NBAS: variants seen among roughly 807,000 people sequenced by gnomAD.
The protein encoded by NBAS is NAG/BC035112 fusion.
NBAS carries 219 observed loss-of-function variants against 302.5 expected under a neutral mutation model. That is an observed-to-expected ratio of 0.72 (90% CI 0.65 to 0.81). The LOEUF (loss-of-function observed/expected upper bound fraction) is 0.81. NBAS is among the 30% of genes least tolerant of loss of function. The pLI is 0.00. For missense variants in NBAS, 2,932 were observed against 2,841.6 expected, an observed-to-expected ratio of 1.03 and a Z score of -0.72; for synonymous variants, 1,118 against 1,021.6, an observed-to-expected ratio of 1.09 and a Z score of -1.80.
intron 19 of NBAS, among the ~76,000 whole-genome samples, chr2:15,463,203 AG>A (rs1679579601): frequency 1.3e-5 from 2 of 152,148 alleles, no homozygotes; most frequent in South Asian, 4.1e-4. Flanking sequence ...GAGTCCAGAA[AG>A]TCAAGAGTGC....
At chr2:14,996,085 C>CAATT in the NBAS span, among the ~76,000 whole-genome samples, 1 of 152,092 alleles carries the variant, frequency 6.6e-6, no homozygotes, top group Non-Finnish European at 1.5e-5. Context: ...AAACAGGTAA[C>CAATT]AATTATAAGC....
At chr2:14,858,059 CAGGT>C in the NBAS span, among the ~76,000 whole-genome samples, 4 of 151,904 alleles carry the variant, frequency 2.6e-5, no homozygotes, top group African/African-American at 9.7e-5. Context: ...AAATGGTAAA[CAGGT>C]AGATCCTCAA....
the NBAS span, among the ~76,000 whole-genome samples, chr2:14,949,627 A>G: frequency 6.6e-6 from 1 of 152,312 alleles, no homozygotes; most frequent in Non-Finnish European, 1.5e-5. Context: ...GAATGAATGA[A>G]CGGATAAAGA....
At chr2:15,151,491 C>G in the NBAS span, among the ~76,000 whole-genome samples, 108 of 152,334 alleles carry the variant, frequency 7.1e-4, no homozygotes, top group Middle Eastern at 0.02. Flanking sequence ...TATCACTTCC[C>G]AGCAAACTTC....
intron 9 of NBAS, among the ~76,000 whole-genome samples, chr2:15,517,360 T>C (rs1466171096): frequency 1.3e-5 from 2 of 152,102 alleles, no homozygotes; most frequent in Admixed American, 1.3e-4. Flanking sequence ...AATAACCAAA[T>C]TGTTCAGGAA....
intron 21 of NBAS, among the ~76,000 whole-genome samples, chr2:15,458,289 A>G (rs1195622999): frequency 6.6e-6 from 1 of 152,218 alleles, no homozygotes; most frequent in African/African-American, 2.4e-5. Flanking sequence ...TGCCTGAAGC[A>G]CAAGTGTGAT....
chr2:14,947,860 A>G, the NBAS span, among the ~76,000 whole-genome samples: 1 of 151,654 alleles, frequency 6.6e-6, no homozygotes, highest in East Asian at 1.9e-4. Flanking sequence ...TGCTTTTTTC[A>G]TGTCTATTGA....
At chr2:14,785,474 A>T in the NBAS span, among the ~76,000 whole-genome samples, 1 of 152,120 alleles carries the variant, frequency 6.6e-6, no homozygotes, top group Non-Finnish European at 1.5e-5. Context: ...GATAGCTCTT[A>T]TTATTTTGAG....
chr2:14,890,481 T>A, the NBAS span: 3 of 152,310 alleles, frequency 2.0e-5, no homozygotes, highest in African/African-American at 7.2e-5. Flanking sequence ...GTATTATCTA[T>A]AAGAATTTGA....
At chr2:15,480,278 T>C (rs184682322) in intron 12 of NBAS, among the ~76,000 whole-genome samples, 58 of 151,942 alleles carry the variant, frequency 3.8e-4, no homozygotes, top group Admixed American at 3.5e-3. Flanking sequence ...GAGTTCAAGG[T>C]TGCAGTAAGC....
chr2:15,125,056 C>T, the NBAS span, among the ~76,000 whole-genome samples: 2 of 152,166 alleles, frequency 1.3e-5, no homozygotes, highest in African/African-American at 2.4e-5. Flanking sequence ...AGCTTTCAAC[C>T]TCAGCATGGA....
chr2:15,353,404 C>A (rs1459151595), intron 34 of NBAS, 149 bp downstream of exon 34: 4 of 971,458 alleles, frequency 4.1e-6, no homozygotes, highest in African/African-American at 3.2e-5. Context: ...CTAATATTTT[C>A]ATGTCCCTTT....
intron 32 of NBAS, among the ~76,000 whole-genome samples, chr2:15,365,454 G>T (rs1212876777): frequency 6.6e-6 from 1 of 152,136 alleles, no homozygotes; most frequent in Admixed American, 6.5e-5. Context: ...TGAAGAAAGG[G>T]GGTATCATTC....
intron 46 of NBAS, among the ~76,000 whole-genome samples, chr2:15,234,225 T>C (rs927257266): frequency 6.6e-6 from 1 of 152,180 alleles, no homozygotes; most frequent in African/African-American, 2.4e-5. Context: ...AAAACCATAT[T>C]GAAGTCACAG....
chr2:14,888,368 T>G, the NBAS span, among the ~76,000 whole-genome samples: 1 of 152,052 alleles, frequency 6.6e-6, no homozygotes, highest in Non-Finnish European at 1.5e-5. Context: ...AGACCTCAAG[T>G]GATCCACCTG....
In NBAS at chr2:15,419,201, A is replaced by C. The variant is rs144527277; in HGVS notation, c.2578-1489T>G. Reference sequence around the variant, plus strand: ...ACAGTATTCCTGAAGACATACAAGAAAAAGAATATAACAGATAATTAAGCA... The same window carrying C: ...ACAGTATTCCTGAAGACATACAAGACAAAGAATATAACAGATAATTAAGCA... On this transcript the variant is annotated intron_variant, in intron 23 of 51. Transcript: ENST00000281513. Among the ~76,000 whole-genome samples, 581 of 152,338 alleles carry C rather than the reference A, an allele frequency of 3.8e-3. 1 individual carries two copies. Among genetic ancestry groups the C allele is most frequent in the Non-Finnish European group, 6.3e-3 (430 of 68,030 alleles).
At chr2:15,380,466 CTAAA>C (rs1466191483) in intron 29 of NBAS, among the ~76,000 whole-genome samples, 2 of 152,154 alleles carry the variant, frequency 1.3e-5, no homozygotes, top group East Asian at 1.9e-4. Context: ...GTCTTATGAA[CTAAA>C]TAGCCACTCC....
chr2:14,934,332 T>C, the NBAS span, among the ~76,000 whole-genome samples: 1 of 152,342 alleles, frequency 6.6e-6, no homozygotes, highest in South Asian at 2.1e-4. Flanking sequence ...ATCTAAAATA[T>C]GTATAGTAAC....
intron 21 of NBAS, among the ~76,000 whole-genome samples, chr2:15,446,386 A>T (rs1043228620): frequency 1.3e-5 from 2 of 152,250 alleles, no homozygotes; most frequent in African/African-American, 4.8e-5. Flanking sequence ...ACAAGCCAGA[A>T]GACAGCAGGG....
Sources: gnomAD v4.1 joint callset for allele counts (sites outside exome capture counted in the v4.1 genomes callset) on GRCh38, gnomAD v4.1.1 for gene constraint, MANE v1.5 for transcripts, NCBI Gene and HGNC (gene_info 2026-07-23, HGNC 2026-07-21) for gene names.